The following PHF3 variants were observed in gnomAD, a reference collection of about 807,000 sequenced individuals.
PHF3 encodes PHD finger protein 3.
A neutral mutation model predicts 178.4 loss-of-function variants in PHF3; 41 were observed. The observed-to-expected ratio is 0.23, with a 90% CI of 0.18 to 0.30. The LOEUF is 0.30. Ranked by LOEUF, PHF3 falls within the 10% of genes least tolerant of loss-of-function variation. PHF3 has a pLI of 1.00. For synonymous variants in PHF3, 842 were observed against 800.5 expected, an observed-to-expected ratio of 1.05 and a Z score of -0.88; for missense variants, 2,346 against 2,398.1, an observed-to-expected ratio of 0.98 and a Z score of 0.45.
At chr6:63,650,695 A>T (rs1363966451) in intron 2 of PHF3, among the ~76,000 whole-genome samples, 1 of 152,182 alleles carries the variant, frequency 6.6e-6, no homozygotes, top group East Asian at 1.9e-4. Context: ...TCACTAGACA[A>T]TTCATCTATG....
intron 2 of PHF3, among the ~76,000 whole-genome samples, chr6:63,649,312 A>T (rs1197460655): frequency 1.3e-5 from 2 of 152,120 alleles, no homozygotes; most frequent in African/African-American, 4.8e-5. Context: ...TTTATAAATA[A>T]CTTCAGCTGT....
In PHF3 at chr6:63,712,508, G is replaced by T. The variant is rs748260929; in HGVS notation, c.4920G>T (p.Ala1640=). ...SCSENLVANT[A]RSPQFINLKR... ...GTGAAAACCTTGTTGCTAATACAGCGAGGTCTCCACAGTTTATCAACCTGA... is the reference window on the plus strand; with the variant it reads ...GTGAAAACCTTGTTGCTAATACAGCTAGGTCTCCACAGTTTATCAACCTGA... Residue 1640 remains alanine, a synonymous_variant, in exon 16 of 16, where the codon GCG becomes GCT. Coordinates refer to ENST00000262043, the MANE Select transcript of PHF3 (RefSeq NM_001370348.2). 6.2e-7 allele frequency: 1 copy of T among 1,613,882 alleles called. No homozygotes were observed. Among genetic ancestry groups the T allele is most frequent in the Admixed American group, 1.7e-5 (1 of 59,968 alleles).
At chr6:63,638,114 C>T (rs189400147) in intron 1 of PHF3, among the ~76,000 whole-genome samples, 83 of 152,194 alleles carry the variant, frequency 5.5e-4, no homozygotes, top group Non-Finnish European at 7.2e-4. Flanking sequence ...GTCAGATGCA[C>T]ATTTCAAGAT....
Position 63,706,085 on chromosome 6 carries a change from G to C in PHF3, c.3424G>C (p.Gly1142Arg), listed in dbSNP as rs1291594035. 2 of 1,613,806 alleles carry C rather than the reference G, an allele frequency of 1.2e-6. No individual in the cohort carries two copies. Among genetic ancestry groups the C allele is most frequent in the Non-Finnish European group, 1.7e-6 (2 of 1,179,902 alleles). Residue 1142 changes from glycine to arginine, a missense_variant, in exon 12 of 16, where the codon GGA (glycine) becomes CGA (arginine). Physicochemically the swap from Gly to Arg is moderately radical, Grantham distance 125 (BLOSUM62 -2). Around this residue, in one of 8 missense-constraint regions of PHF3, gnomAD observed 205 missense variants for 212.4 expected, o/e 0.97. Coordinates refer to ENST00000262043, the MANE Select transcript of PHF3 (RefSeq NM_001370348.2). ...LSPKKVKVVV[G>R]VARKHSDNEA... ...TCCAAAAAAAGTAAAAGTTGTTGTA[G>C]GAGTAGCTCGCAAACATTCAGACAA...
At chr6:63,636,184 G>C (rs1043079030) in intron 1 of PHF3, 34 bp downstream of exon 1, 3 of 375,124 alleles carry the variant, frequency 8.0e-6, no homozygotes, top group Non-Finnish European at 1.4e-5. Flanking sequence ...CCAGGGAGAC[G>C]GGCAATCCTC....
chr6:63,713,761 C>G lies in PHF3; in HGVS notation c.*53C>G. On this transcript the variant is annotated 3_prime_UTR_variant, in exon 16 of 16. Transcript: ENST00000262043. ...TTAAATAACTGTTAAAATGTTGTAT[C>G]TTGTAAACAAAAGAAAGATTGCCTG... 1.4e-6 allele frequency: 2 copies of G among 1,387,702 alleles called. No individual in the cohort carries two copies. Among genetic ancestry groups the G allele is most frequent in the Non-Finnish European group, 1.9e-6 (2 of 1,034,340 alleles). 86.0% of individuals were successfully genotyped at this position (1,387,702 alleles called of 1,614,324 possible).
intron 2 of PHF3, 164 bp from the exon 3 acceptor site, chr6:63,679,836 A>C: frequency 1.5e-6 from 1 of 674,318 alleles, no homozygotes; most frequent in Non-Finnish European, 2.7e-6. Context: ...TTGATTTGGG[A>C]GTTTGGTAGT....
At chr6:63,669,901 G>T (rs1765836654) in intron 2 of PHF3, among the ~76,000 whole-genome samples, 1 of 152,038 alleles carries the variant, frequency 6.6e-6, no homozygotes, top group Non-Finnish European at 1.5e-5. Flanking sequence ...CTTTACCTAG[G>T]TATGTTTATC....
chr6:63,720,718 T>TA lies in PHF3; in HGVS notation c.*7015dup. On this transcript the variant is annotated 3_prime_UTR_variant, in exon 16 of 16. Transcript: ENST00000262043. ...TTAATTTTGCCAACAAAATTGGTTTTAAAAATCTCTTGAGTAACGATATTT... is the reference window on the plus strand; with the variant it reads ...TTAATTTTGCCAACAAAATTGGTTTTAAAAAATCTCTTGAGTAACGATATTT... 6.5e-7 allele frequency: 1 copy of TA among 1,549,090 alleles called. No individual in the cohort carries two copies. Among genetic ancestry groups the TA allele is most frequent in the Non-Finnish European group, 8.7e-7 (1 of 1,146,038 alleles).
intron 8 of PHF3, among the ~76,000 whole-genome samples, chr6:63,700,010 A>AAG (rs1767403614): frequency 6.6e-6 from 1 of 152,164 alleles, no homozygotes; most frequent in African/African-American, 2.4e-5. Context: ...ACATTGAGTA[A>AAG]AGCTCTTTGA....
intron 6 of PHF3, among the ~76,000 whole-genome samples, chr6:63,695,821 G>A (rs1398727222): frequency 6.6e-6 from 1 of 152,132 alleles, no homozygotes; most frequent in Admixed American, 6.5e-5. Flanking sequence ...GTTGGTATTG[G>A]TGAAGGAAAT....
Position 63,647,062 on chromosome 6 carries a change from A to G in PHF3, c.244+267A>G, listed in dbSNP as rs139579722. Among the ~76,000 whole-genome samples the G allele has an allele frequency of 8.2e-3, 1,243 of 151,898 alleles. 5 individuals carry two copies. The highest frequency in any genetic ancestry group is 0.011 in the Non-Finnish European group (743 of 67,952). On this transcript the variant is annotated intron_variant, in intron 2 of 15. Transcript: ENST00000262043. ...GTGACCATATAATTTATTATCCAGT[A>G]TGGGACACTTACTAGAATTACAGAG...
In PHF3 at chr6:63,681,733, G is replaced by A. The variant is rs113165045; in HGVS notation, c.406+1572G>A. ...CTTTCATAGTTTCTGACTTCTCAAT[G>A]TTGCATTATTTTAAAAAAAATGTTT... On this transcript the variant is annotated intron_variant, in intron 3 of 15. Coordinates refer to ENST00000262043, the MANE Select transcript of PHF3 (RefSeq NM_001370348.2). 7.0e-3 allele frequency among the ~76,000 whole-genome samples: 1,065 copies of A among 151,996 alleles called. 15 individuals carry two copies. The highest frequency in any genetic ancestry group is 0.024 in the South Asian group (115 of 4,820).
intron 2 of PHF3, among the ~76,000 whole-genome samples, chr6:63,668,842 ATTTT>A (rs994234727): frequency 6.6e-6 from 1 of 151,776 alleles, no homozygotes; most frequent in Non-Finnish European, 1.5e-5. Context: ...GTACTTGCTG[ATTTT>A]TTTTCATTCT....
At chr6:63,711,120 T>A in intron 14 of PHF3, 47 bp from the exon 15 acceptor site, 1 of 1,353,790 alleles carries the variant, frequency 7.4e-7, no homozygotes, top group Non-Finnish European at 1.0e-6. Context: ...ACCAAGCTAC[T>A]CTTTAGCTTA....
rs754382326 is a variant in PHF3, at chr6:63,693,538, C to G, written c.2497-1043C>G. Among the ~76,000 whole-genome samples, 4 of 152,372 alleles carry G rather than the reference C, an allele frequency of 2.6e-5. 1 individual carries two copies. The South Asian group carries it at 6.2e-4, about 24-fold the overall frequency. On this transcript the variant is annotated intron_variant, in intron 5 of 15. Transcript: ENST00000262043. ...GCTGAGGCAGGAGAATCGCTTGAAC[C>G]TGACGGAGGTTGTAGTGAGCTGGGA...
Position 63,720,642 on chromosome 6 carries a change from T to C in PHF3, c.*6934T>C. On this transcript the variant is annotated 3_prime_UTR_variant, in exon 16 of 16. Transcript: ENST00000262043. ...ATCTCCATCATAAACATTGTATCCT[T>C]CTAATTTAATTAGTTCAATGTTTTT... The C allele has an allele frequency of 6.5e-7, 1 of 1,527,414 alleles. No homozygotes were observed. The highest frequency in any genetic ancestry group is 1.3e-5 in the South Asian group (1 of 78,938). The allele number at this position is 1,527,414 out of a possible 1,614,324, so 94.6% of individuals were successfully genotyped here.
chr6:63,663,883 A>T (rs868166456), intron 2 of PHF3, among the ~76,000 whole-genome samples: 8 of 152,298 alleles, frequency 5.3e-5, no homozygotes, highest in African/African-American at 1.4e-4. Context: ...GATTCCACTC[A>T]ATAAAAAAGG....
At chr6:63,693,543 G>A (rs564273449) in intron 5 of PHF3, among the ~76,000 whole-genome samples, 1 of 152,188 alleles carries the variant, frequency 6.6e-6, no homozygotes, top group African/African-American at 2.4e-5. Flanking sequence ...TGAACCTGAC[G>A]GAGGTTGTAG....
Sources: gnomAD v4.1 joint callset for allele counts (sites outside exome capture counted in the v4.1 genomes callset) on GRCh38, gnomAD v4.1.1 for gene constraint, gnomAD v4.1.1 regional missense constraint, MANE v1.5 for transcripts, NCBI Gene and HGNC (gene_info 2026-07-23, HGNC 2026-07-21) for gene names.